NAT1: variants seen among roughly 807,000 people sequenced by gnomAD.
NAT1 encodes arylamine N-acetyltransferase 1.
For synonymous variants in NAT1, 144 were observed against 122.6 expected (o/e 1.17, Z -1.16); for missense variants, 400 against 339.2 (o/e 1.18, Z -1.41).
chr8:18,170,967 G>A (rs1339616400), intron 2 of NAT1, among the ~76,000 whole-genome samples: 1 of 151,946 alleles, frequency 6.6e-6, no homozygotes. Flanking sequence ...ATCTGATTAA[G>A]TTAGAGTCTG....
chr8:18,222,368 C>G lies in NAT1; in HGVS notation c.321C>G (p.His107Gln), dbSNP rs755240678. The change falls in exon 3 of 3, where the codon CAC becomes CAG. Residue 107 changes from histidine to glutamine, a missense_variant. His to Gln is a conservative substitution (Grantham distance 24, BLOSUM62 0). Coordinates refer to ENST00000307719, the MANE Select transcript of NAT1 (RefSeq NM_000662.8). Reference sequence around the variant, plus strand: ...AAAAATACAGCACTGGCATGATTCACCTTCTCCTGCAGGTGACCATTGATG... The same window carrying G: ...AAAAATACAGCACTGGCATGATTCAGCTTCTCCTGCAGGTGACCATTGATG... The part of the protein sequence containing the change: ...PAKKYSTGMI[H>Q]LLLQVTIDGR... 1.9e-6 allele frequency: 3 copies of G among 1,614,086 alleles called. No homozygotes were observed. Among genetic ancestry groups the G allele is most frequent in the Non-Finnish European group, 2.5e-6 (3 of 1,180,002 alleles).
At chr8:18,175,135 T>C (rs10090176) in intron 2 of NAT1, among the ~76,000 whole-genome samples, 39,866 of 151,978 alleles carry the variant, frequency 0.26, 5,816 homozygotes, top group African/African-American at 0.38. Flanking sequence ...GTGTGATGTT[T>C]TGATCTATGT....
At chr8:18,197,805 G>T (rs1589081437) in intron 2 of NAT1, among the ~76,000 whole-genome samples, 1 of 152,044 alleles carries the variant, frequency 6.6e-6, no homozygotes, top group Admixed American at 6.5e-5. Context: ...TTGATTATCA[G>T]GGATGGGCAT....
chr8:18,206,850 T>C (rs1248533641), upstream of NAT1, among the ~76,000 whole-genome samples: 1 of 152,046 alleles, frequency 6.6e-6, no homozygotes, highest in Non-Finnish European at 1.5e-5. Context: ...GCCATTTTCA[T>C]GATATTAGAT....
chr8:18,187,287 G>A (rs533742415), intron 2 of NAT1, among the ~76,000 whole-genome samples: 2 of 152,296 alleles, frequency 1.3e-5, no homozygotes, highest in South Asian at 2.1e-4. Flanking sequence ...GGAAAACAGT[G>A]TGGTGCTTCC....
rs1805440740 is a variant in NAT1, at chr8:18,222,546, G to A, written c.499G>A (p.Glu167Lys). 3.1e-6 allele frequency: 5 copies of A among 1,614,052 alleles called. No individual in the cohort carries two copies. The highest frequency in any genetic ancestry group is 3.4e-6 in the Non-Finnish European group (4 of 1,179,998). The stretch of plus-strand genomic sequence containing the variant: ...CTGGTATCTAGACCAAATCAGAAGG[G>A]AACAGTACATTCCAAATGAAGAATT... ...GFWYLDQIRREQYIPNEEFLH... is the reference protein window; with the variant it reads ...GFWYLDQIRRKQYIPNEEFLH... Residue 167 changes from glutamate to lysine, a missense_variant, in exon 3 of 3, where the codon GAA (glutamate) becomes AAA (lysine). Coordinates refer to ENST00000307719, the MANE Select transcript of NAT1 (RefSeq NM_000662.8).
At chr8:18,173,269 C>T (rs1244232961) in intron 2 of NAT1, among the ~76,000 whole-genome samples, 1 of 152,164 alleles carries the variant, frequency 6.6e-6, no homozygotes, top group African/African-American at 2.4e-5. Flanking sequence ...GCAGCTGCAA[C>T]TTGAACTTTA....
At chr8:18,196,965 G>C (rs1803259160) in intron 2 of NAT1, among the ~76,000 whole-genome samples, 1 of 152,096 alleles carries the variant, frequency 6.6e-6, no homozygotes, top group Non-Finnish European at 1.5e-5. Flanking sequence ...AAGGAAAGAG[G>C]TTTCGTTGAC....
rs754999255 is a variant in NAT1 at position 18,178,624 on chromosome 8, T to C, written n.92+7885T>C. On this transcript the variant is annotated intron_variant and non_coding_transcript_variant, in intron 2 of 4. Transcript: ENST00000517441. The stretch of plus-strand genomic sequence containing the variant: ...GTTTTCCTAGTGAAAATTATCACTG[T>C]TCTTTCCATTTAAGTCACAGATGAA... Among the ~76,000 whole-genome samples, 66 of 152,180 alleles carry C rather than the reference T, an allele frequency of 4.3e-4. 1 individual carries two copies. Among genetic ancestry groups the C allele is most frequent in the Non-Finnish European group, 4.4e-5 (3 of 68,018 alleles).
Position 18,219,439 on chromosome 8 carries a change from G to A in NAT1, c.-57G>A. On this transcript the variant is annotated 5_prime_UTR_variant, in exon 2 of 3. Coordinates refer to ENST00000307719, the MANE Select transcript of NAT1 (RefSeq NM_000662.8). ...TCAAGCCAGGAAGAAGCAGCAATCT[G>A]TCTTCTGGATTAAAACTGAAGATCA... The A allele has an allele frequency of 6.5e-7, 1 of 1,550,158 alleles. No individual in the cohort carries two copies. Among genetic ancestry groups the A allele is most frequent in the Non-Finnish European group, 8.7e-7 (1 of 1,146,256 alleles).
chr8:18,208,948 T>C (rs1803855730), upstream of NAT1, among the ~76,000 whole-genome samples: 2 of 152,300 alleles, frequency 1.3e-5, no homozygotes, highest in South Asian at 4.1e-4. Context: ...GAAGATGATT[T>C]AAGGACGTAC....
chr8:18,205,360 G>A (rs1316830227), upstream of NAT1, among the ~76,000 whole-genome samples: 1 of 152,146 alleles, frequency 6.6e-6, no homozygotes, highest in African/African-American at 2.4e-5. Context: ...TTGGGGGTAG[G>A]GTGCTGGCAG....
At chr8:18,200,887 G>C (rs1372795012) in intron 2 of NAT1, 1 of 152,154 alleles carries the variant, frequency 6.6e-6, no homozygotes, top group African/African-American at 2.4e-5. Context: ...CATTTGTAGT[G>C]AGGGTCTTCC....
At chr8:18,178,553 A>C (rs1802381434) in intron 2 of NAT1, among the ~76,000 whole-genome samples, 1 of 152,148 alleles carries the variant, frequency 6.6e-6, no homozygotes, top group South Asian at 2.1e-4. Context: ...AGAGAATTAC[A>C]GTGCTCAGTG....
intron 2 of NAT1, among the ~76,000 whole-genome samples, chr8:18,196,113 C>T (rs1463689742): frequency 6.6e-6 from 1 of 151,760 alleles, no homozygotes; most frequent in Non-Finnish European, 1.5e-5. Context: ...CTTTATACAA[C>T]TTTTATTTTT....
intron 2 of NAT1, among the ~76,000 whole-genome samples, chr8:18,181,271 A>G (rs1380147698): frequency 2.0e-5 from 3 of 152,282 alleles, no homozygotes; most frequent in African/African-American, 7.2e-5. Flanking sequence ...GTAGGATTCA[A>G]TGGGATTGCT....
chr8:18,186,366 A>T (rs1240105900), intron 2 of NAT1, among the ~76,000 whole-genome samples: 2 of 152,166 alleles, frequency 1.3e-5, no homozygotes, highest in African/African-American at 4.8e-5. Flanking sequence ...TAATGCTTTT[A>T]TCTCAGTGAC....
At chr8:18,171,768 C>T (rs2157651) in intron 2 of NAT1, among the ~76,000 whole-genome samples, 39,128 of 152,054 alleles carry the variant, frequency 0.26, 5,283 homozygotes, top group South Asian at 0.32. Context: ...GAGCTAGAAA[C>T]GCAACAAGGA....
At chr8:18,206,757 G>A (rs1001098620), upstream of NAT1, among the ~76,000 whole-genome samples, 3 of 152,100 alleles carry the variant, frequency 2.0e-5, no homozygotes, top group Non-Finnish European at 4.4e-5. Flanking sequence ...CTCCCATTCT[G>A]TAGGTTATTT....
Sources: gnomAD v4.1 joint callset for allele counts (sites outside exome capture counted in the v4.1 genomes callset) on GRCh38, gnomAD v4.1.1 for gene constraint, MANE v1.5 for transcripts, NCBI Gene and HGNC (gene_info 2026-07-23, HGNC 2026-07-21) for gene names.